BMAL2: variants seen among roughly 807,000 people sequenced by gnomAD.
BMAL2 encodes basic helix-loop-helix ARNT like 2.
chr12:27,379,997 A>G, the BMAL2 span, among the ~76,000 whole-genome samples: 4 of 152,180 alleles, frequency 2.6e-5, no homozygotes, highest in African/African-American at 9.7e-5. Context: ...GCTCTCAGAC[A>G]GATGTCTTTG....
At chr12:27,385,332 T>TAAATGA in the BMAL2 span, 1 of 549,770 alleles carries the variant, frequency 1.8e-6, no homozygotes, top group Non-Finnish European at 3.2e-6. Flanking sequence ...ATAATTAAAT[T>TAAATGA]AAATGAAAAT....
At chr12:27,406,316 G>C in the BMAL2 span, among the ~76,000 whole-genome samples, 1 of 152,134 alleles carries the variant, frequency 6.6e-6, no homozygotes, top group Admixed American at 6.5e-5. Context: ...TTGAAATGAA[G>C]GAAAAAATGT....
the BMAL2 span, among the ~76,000 whole-genome samples, chr12:27,382,788 G>A: frequency 1.3e-5 from 2 of 152,178 alleles, no homozygotes; most frequent in African/African-American, 2.4e-5. Context: ...CAGAAGGATG[G>A]TGATGTGATT....
At chr12:27,378,242 A>G in the BMAL2 span, among the ~76,000 whole-genome samples, 2 of 152,274 alleles carry the variant, frequency 1.3e-5, no homozygotes, top group Non-Finnish European at 2.9e-5. Flanking sequence ...AATTGGCAGC[A>G]TTTCTTTCTC....
the BMAL2 span, among the ~76,000 whole-genome samples, chr12:27,350,371 C>T: frequency 6.6e-6 from 1 of 152,136 alleles, no homozygotes; most frequent in Non-Finnish European, 1.5e-5. Context: ...TTCTTAAGTC[C>T]CCTAAATACT....
chr12:27,420,048 C>CACACACAA, the BMAL2 span, among the ~76,000 whole-genome samples: 1 of 151,358 alleles, frequency 6.6e-6, no homozygotes, highest in Non-Finnish European at 1.5e-5. Context: ...CACACACACA[C>CACACACAA]AAACATACAC....
the BMAL2 span, among the ~76,000 whole-genome samples, chr12:27,409,897 A>G: frequency 3.9e-4 from 59 of 152,314 alleles, no homozygotes; most frequent in South Asian, 1.2e-3. Flanking sequence ...CAAATTTACA[A>G]GAAAAAAACA....
the BMAL2 span, among the ~76,000 whole-genome samples, chr12:27,356,691 A>G: frequency 6.6e-6 from 1 of 152,132 alleles, no homozygotes; most frequent in African/African-American, 2.4e-5. Context: ...AAATGGCATT[A>G]TTTTTGTTTC....
the BMAL2 span, chr12:27,385,450 T>C: frequency 6.8e-7 from 1 of 1,480,256 alleles, no homozygotes; most frequent in South Asian, 1.2e-5. Context: ...TCTACTATAT[T>C]TCCAATAACT....
chr12:27,367,707 A>G, the BMAL2 span, among the ~76,000 whole-genome samples: 1 of 152,068 alleles, frequency 6.6e-6, no homozygotes, highest in African/African-American at 2.4e-5. Context: ...AGTGTACACA[A>G]TTAGTCTTTC....
At chr12:27,400,785 A>G in the BMAL2 span, 4 of 1,592,974 alleles carry the variant, frequency 2.5e-6, no homozygotes, top group Non-Finnish European at 2.6e-6. Context: ...GTAAACATTT[A>G]CATGTTATAA....
the BMAL2 span, among the ~76,000 whole-genome samples, chr12:27,353,750 A>C: frequency 9.1e-4 from 139 of 152,302 alleles, no homozygotes; most frequent in South Asian, 0.025. Flanking sequence ...TATTAAAAAA[A>C]CGGGCAAAGG....
chr12:27,335,331 T>C, the BMAL2 span, among the ~76,000 whole-genome samples: 2 of 152,228 alleles, frequency 1.3e-5, no homozygotes, highest in East Asian at 3.8e-4. Context: ...GGTGTCCTCC[T>C]AATAAATGAT....
chr12:27,390,275 G>A, the BMAL2 span: 1 of 1,597,400 alleles, frequency 6.3e-7, no homozygotes, highest in Non-Finnish European at 8.6e-7. Flanking sequence ...GCAAAGCATG[G>A]CTATAAAATT....
At chr12:27,347,021 C>T in the BMAL2 span, among the ~76,000 whole-genome samples, 1 of 152,186 alleles carries the variant, frequency 6.6e-6, no homozygotes, top group Non-Finnish European at 1.5e-5. Flanking sequence ...TACCTTCCAC[C>T]TTGAGTGGAT....
chr12:27,385,635 A>G, the BMAL2 span: 1 of 975,734 alleles, frequency 1.0e-6, no homozygotes. Context: ...ATTTTCTTCC[A>G]TTTGCTTCCT....
chr12:27,400,760 C>T, the BMAL2 span: 34 of 1,608,140 alleles, frequency 2.1e-5, no homozygotes, highest in East Asian at 4.5e-5. Flanking sequence ...GAAAATTTGT[C>T]TATGTAGATC....
the BMAL2 span, chr12:27,385,676 C>G: frequency 4.9e-6 from 3 of 614,348 alleles, no homozygotes; most frequent in East Asian, 8.4e-5. Flanking sequence ...CATATTACAC[C>G]GTATTTCCTT....
At chr12:27,408,990 T>C in the BMAL2 span, among the ~76,000 whole-genome samples, 6 of 152,120 alleles carry the variant, frequency 3.9e-5, no homozygotes, top group East Asian at 1.9e-4. Context: ...AACTCCCATT[T>C]ACAATTGCTT....
Sources: allele counts gnomAD v4.1 joint callset (sites outside exome capture counted in the v4.1 genomes callset), GRCh38; gene constraint gnomAD v4.1.1; transcripts MANE v1.5; gene names NCBI Gene and HGNC (gene_info 2026-07-23, HGNC 2026-07-21).